Variants in MAP3K7 observed in about 807,000 individuals in gnomAD.
MAP3K7 encodes the protein TGF-beta activated kinase 1.
Under a neutral mutation model 84.8 loss-of-function variants are expected in MAP3K7, and 21 were observed. That is an observed-to-expected ratio of 0.25 (90% CI 0.18 to 0.36). The LOEUF (loss-of-function observed/expected upper bound fraction) is 0.36. MAP3K7 is among the 10% of genes least tolerant of loss of function. The pLI is 1.00. For missense variants in MAP3K7, 503 were observed against 747.7 expected, an observed-to-expected ratio of 0.67 and a Z score of 3.82; for synonymous variants, 241 against 247.7, an observed-to-expected ratio of 0.97 and a Z score of 0.25.
chr6:90,545,087 A>G (rs1226043829), intron 11 of MAP3K7, among the ~76,000 whole-genome samples: 1 of 152,140 alleles, frequency 6.6e-6, no homozygotes, highest in Non-Finnish European at 1.5e-5. Context: ...AGTGTGCTAT[A>G]AAGTAAAATC....
intron 1 of MAP3K7, among the ~76,000 whole-genome samples, chr6:90,576,147 AT>A (rs1393343673): frequency 6.6e-6 from 1 of 152,104 alleles, no homozygotes. Flanking sequence ...CGAATCTGAC[AT>A]TTGGATGACA....
At chr6:90,585,216 T>C (rs1777405617) in intron 1 of MAP3K7, among the ~76,000 whole-genome samples, 1 of 152,218 alleles carries the variant, frequency 6.6e-6, no homozygotes, top group East Asian at 1.9e-4. Context: ...GCATATCTGA[T>C]ACACTGAACT....
In MAP3K7 at chr6:90,553,601, G is replaced by A. The variant is rs1331686275; in HGVS notation, c.608-15C>T. 1.3e-6 allele frequency: 2 copies of A among 1,585,752 alleles called. No homozygotes were observed. Among genetic ancestry groups the A allele is most frequent in the South Asian group, 1.2e-5 (1 of 86,562 alleles). ...GTAATTACTACCTAGAAAAAAAAAAGGTAGTATATAACCTAAAGACTATTT... is the reference window on the plus strand; with the variant it reads ...GTAATTACTACCTAGAAAAAAAAAAAGTAGTATATAACCTAAAGACTATTT... On this transcript the variant is annotated splice_polypyrimidine_tract_variant and intron_variant, in intron 6 of 16. Transcript: ENST00000369329.
Position 90,553,456 on chromosome 6 carries a change from A to G in MAP3K7, c.736+2T>C. 1 of 1,603,630 alleles carries G rather than the reference A, an allele frequency of 6.2e-7. No homozygotes were observed. Among genetic ancestry groups the G allele is most frequent in the Non-Finnish European group, 8.5e-7 (1 of 1,176,848 alleles). On this transcript the variant is annotated splice_donor_variant, in intron 7 of 16. Transcript: ENST00000369329. LOFTEE classifies it high-confidence loss of function. ...TTTTAAGAAAAATTTCTTTTTACGA[A>G]CCATTATGAACAGCCCACATGATTC...
At chr6:90,576,994 T>C (rs1777105709) in intron 1 of MAP3K7, among the ~76,000 whole-genome samples, 1 of 152,172 alleles carries the variant, frequency 6.6e-6, no homozygotes, top group Admixed American at 6.5e-5. Context: ...GGATGGTATG[T>C]GACATTAAAC....
At chr6:90,544,753 A>G (rs757230223) in intron 11 of MAP3K7, 121 bp from the exon 12 acceptor site, 2 of 805,210 alleles carry the variant, frequency 2.5e-6, no homozygotes, top group Non-Finnish European at 4.2e-6. Flanking sequence ...TTCATGCAGA[A>G]TGGCATGCAG....
chr6:90,542,158 T>C, intron 12 of MAP3K7: 1 of 844,940 alleles, frequency 1.2e-6, no homozygotes. Context: ...AAATTAAGTA[T>C]CACCCTTCTT....
intron 3 of MAP3K7, among the ~76,000 whole-genome samples, chr6:90,564,508 A>T (rs1776633392): frequency 6.6e-6 from 1 of 152,206 alleles, no homozygotes; most frequent in Non-Finnish European, 1.5e-5. Context: ...TCAATTCAAC[A>T]AGAAGAGCTA....
Position 90,587,013 on chromosome 6 carries a change from G to T in MAP3K7, c.-130C>A. 8.5e-7 allele frequency: 1 copy of T among 1,169,726 alleles called. No individual in the cohort carries two copies. 72.5% of individuals were successfully genotyped at this position (1,169,726 alleles called of 1,614,324 possible). On this transcript the variant is annotated 5_prime_UTR_variant, in exon 1 of 17. Coordinates refer to ENST00000369329, the MANE Select transcript of MAP3K7 (RefSeq NM_145331.3). ...CAGTCCTACTACCCGGCGATCCGTG[G>T]CGGGGGTAGAGGCAGCGGCCACAGC...
intron 13 of MAP3K7, 108 bp downstream of exon 13, chr6:90,536,229 C>G (rs1239290986): frequency 9.1e-6 from 7 of 771,436 alleles, no homozygotes; most frequent in Non-Finnish European, 1.5e-5. Context: ...ATTTCTCTAT[C>G]ACAACTTTAG....
chr6:90,570,872 C>T (rs1776878320), intron 2 of MAP3K7, among the ~76,000 whole-genome samples: 1 of 152,172 alleles, frequency 6.6e-6, no homozygotes, highest in Non-Finnish European at 1.5e-5. Flanking sequence ...ACTCCTAGAA[C>T]ATATTACTAG....
chr6:90,566,550 T>A (rs563037195), intron 3 of MAP3K7, among the ~76,000 whole-genome samples: 3 of 152,126 alleles, frequency 2.0e-5, no homozygotes, highest in Admixed American at 6.5e-5. Context: ...CCACTGCTCA[T>A]TGGAATAAAA....
At chr6:90,552,547 C>T (rs1327048061) in intron 7 of MAP3K7, among the ~76,000 whole-genome samples, 2 of 152,004 alleles carry the variant, frequency 1.3e-5, no homozygotes, top group Non-Finnish European at 2.9e-5. Flanking sequence ...TATGAATGAC[C>T]TAAATAATTA....
At chr6:90,541,093 T>A (rs776951096) in intron 12 of MAP3K7, among the ~76,000 whole-genome samples, 4 of 151,938 alleles carry the variant, frequency 2.6e-5, no homozygotes, top group Non-Finnish European at 1.5e-5. Context: ...ACTGCCCTTA[T>A]TAAAGTCCTA....
chr6:90,551,985 C>A lies in MAP3K7; in HGVS notation c.867+64G>T, dbSNP rs183337735. 9.0e-4 allele frequency: 1,362 copies of A among 1,507,646 alleles called. 8 individuals carry two copies. The highest frequency in any genetic ancestry group is 9.0e-3 in the East Asian group (394 of 43,716). The allele number at this position is 1,507,646 out of a possible 1,614,324, so 93.4% of individuals were successfully genotyped here. Reference sequence around the variant, plus strand: ...TAGTAATAACATCCCTTTTAAAATTCCATTAAAACTCAGCACATATTAAAT... The same window carrying A: ...TAGTAATAACATCCCTTTTAAAATTACATTAAAACTCAGCACATATTAAAT... On this transcript the variant is annotated intron_variant, in intron 8 of 16. Transcript: ENST00000369329.
chr6:90,534,073 A>G (rs1034229355), intron 13 of MAP3K7, among the ~76,000 whole-genome samples: 4 of 152,136 alleles, frequency 2.6e-5, no homozygotes, highest in Non-Finnish European at 4.4e-5. Context: ...AACCAATTTA[A>G]TTTTAGTTTA....
intron 13 of MAP3K7, among the ~76,000 whole-genome samples, chr6:90,532,154 T>C (rs1775529014): frequency 6.6e-6 from 1 of 152,310 alleles, no homozygotes; most frequent in East Asian, 1.9e-4. Context: ...AATAACAATG[T>C]ATATTAATAT....
intron 14 of MAP3K7, among the ~76,000 whole-genome samples, chr6:90,520,624 G>C (rs1775119231): frequency 6.6e-6 from 1 of 151,928 alleles, no homozygotes; most frequent in South Asian, 2.1e-4. Flanking sequence ...AAAAAGTAAT[G>C]TTTATTAAAT....
At chr6:90,586,143 C>T (rs1196881463) in intron 1 of MAP3K7, among the ~76,000 whole-genome samples, 1 of 151,784 alleles carries the variant, frequency 6.6e-6, no homozygotes, top group African/African-American at 2.4e-5. Context: ...GAGGCCGAGG[C>T]GGGTGGATCA....
Sources: allele counts gnomAD v4.1 joint callset (sites outside exome capture counted in the v4.1 genomes callset), GRCh38; gene constraint gnomAD v4.1.1; transcripts MANE v1.5; gene names NCBI Gene and HGNC (gene_info 2026-07-23, HGNC 2026-07-21).